ARHGEF4: variants seen among roughly 807,000 people sequenced by gnomAD.
ARHGEF4 encodes the protein Rho guanine nucleotide exchange factor 4, also known as APC-stimulated guanine nucleotide exchange factor 1.
ARHGEF4 carries 119 observed loss-of-function variants against 162.0 expected under a neutral mutation model. The observed-to-expected ratio is 0.73, with a 90% CI of 0.63 to 0.86. The LOEUF (loss-of-function observed/expected upper bound fraction) is 0.86. ARHGEF4 is among the 40% of genes least tolerant of loss of function. The pLI is 0.00. For synonymous variants in ARHGEF4, 1,014 were observed against 979.9 expected, an observed-to-expected ratio of 1.03 and a Z score of -0.65; for missense variants, 2,488 against 2,456.0, an observed-to-expected ratio of 1.01 and a Z score of -0.28.
At chr2:130,987,272 C>G (rs533827270) in intron 4 of ARHGEF4, among the ~76,000 whole-genome samples, 1 of 152,318 alleles carries the variant, frequency 6.6e-6, no homozygotes, top group East Asian at 1.9e-4. Context: ...CAGTGGTGGA[C>G]TTTGTTCAGC....
intron 3 of ARHGEF4, among the ~76,000 whole-genome samples, chr2:130,936,976 T>TGGCTCACCGCAACCAC: frequency 7.0e-6 from 1 of 143,884 alleles, no homozygotes; most frequent in South Asian, 2.2e-4. Flanking sequence ...GGTGCAATCT[T>TGGCTCACCGCAACCAC]GGCTCACCGC....
chr2:130,937,926 C>T (rs542113238), intron 3 of ARHGEF4, among the ~76,000 whole-genome samples: 2 of 152,146 alleles, frequency 1.3e-5, no homozygotes, highest in Non-Finnish European at 2.9e-5. Context: ...CTCGGCCTCC[C>T]AAAGTGCTGG....
intron 4 of ARHGEF4, among the ~76,000 whole-genome samples, chr2:130,986,294 C>T (rs1429415191): frequency 6.6e-6 from 1 of 152,106 alleles, no homozygotes; most frequent in Non-Finnish European, 1.5e-5. Flanking sequence ...CAGCCCAGGG[C>T]CCCAGGTTGC....
intron 4 of ARHGEF4, among the ~76,000 whole-genome samples, chr2:130,989,606 A>G (rs1686803689): frequency 6.6e-6 from 1 of 152,242 alleles, no homozygotes; most frequent in South Asian, 2.1e-4. Flanking sequence ...CTTCCCAGTT[A>G]GATCAATTTG....
At chr2:130,905,424 T>C (rs1282514201) in intron 1 of ARHGEF4, among the ~76,000 whole-genome samples, 1 of 151,864 alleles carries the variant, frequency 6.6e-6, no homozygotes, top group African/African-American at 2.4e-5. Flanking sequence ...TTTTAATGAC[T>C]CTTTATCATA....
At position 130,916,139 on chromosome 2, in the gene ARHGEF4, G is replaced by A; in HGVS notation, c.2193G>A (p.Glu731=). ...AASEETPSTE[E]PPGERLRGES... is the part of the protein sequence containing the mutation. ...CGGAAGAGACGCCGAGCACAGAGGAGCCCCCGGGAGAGAGACTGCGTGGGG... is the reference window on the plus strand; with the variant it reads ...CGGAAGAGACGCCGAGCACAGAGGAACCCCCGGGAGAGAGACTGCGTGGGG... The change falls in exon 2 of 14, where the codon GAG becomes GAA. Residue 731 remains glutamate (E), a synonymous_variant. Transcript: ENST00000409359. 1.3e-6 allele frequency: 2 copies of A among 1,549,324 alleles called. No homozygotes were observed. The highest frequency in any genetic ancestry group is 1.2e-5 in the South Asian group (1 of 84,022).
intron 3 of ARHGEF4, among the ~76,000 whole-genome samples, chr2:130,936,122 A>T (rs550713037): frequency 3.9e-4 from 59 of 152,142 alleles, no homozygotes; most frequent in African/African-American, 1.4e-3. Flanking sequence ...TCTTTTCTGG[A>T]GAATGTTCCA....
intron 3 of ARHGEF4, among the ~76,000 whole-genome samples, chr2:130,934,905 A>G (rs1682845752): frequency 6.6e-6 from 1 of 152,090 alleles, no homozygotes. Context: ...TCTCCATTTT[A>G]TCTACATTAT....
rs151090488 is a variant in ARHGEF4, at chr2:131,007,313, T to C, written c.3986-20632T>C. The stretch of plus-strand genomic sequence containing the variant: ...GAAAGTGGCCCAAATGCTGAATTTA[T>C]GTCCCTGTCCTCTCCTCTCCTCCAT... On this transcript the variant is annotated intron_variant, in intron 4 of 13. Coordinates refer to ENST00000409359, the MANE Select transcript of ARHGEF4 (RefSeq NM_001367493.1). 3.9e-5 allele frequency among the ~76,000 whole-genome samples: 6 copies of C among 152,332 alleles called. No homozygotes were observed. The East Asian group carries it at 1.2e-3, about 29-fold the overall frequency.
intron 4 of ARHGEF4, among the ~76,000 whole-genome samples, chr2:130,998,366 T>A (rs1687540399): frequency 6.6e-6 from 1 of 152,204 alleles, no homozygotes; most frequent in Admixed American, 6.5e-5. Flanking sequence ...GTTCACTTTG[T>A]GTGTTTATAT....
At chr2:131,027,040 C>T (rs563233045) in intron 4 of ARHGEF4, among the ~76,000 whole-genome samples, 1 of 152,164 alleles carries the variant, frequency 6.6e-6, no homozygotes, top group Admixed American at 6.5e-5. Flanking sequence ...TTAGTGGGGC[C>T]GTCATGAAAG....
At chr2:131,015,035 C>T (rs966338961) in intron 4 of ARHGEF4, among the ~76,000 whole-genome samples, 3 of 152,086 alleles carry the variant, frequency 2.0e-5, no homozygotes, top group African/African-American at 7.2e-5. Flanking sequence ...ATCTGTGCGG[C>T]GCACCTAATG....
intron 4 of ARHGEF4, among the ~76,000 whole-genome samples, chr2:131,021,918 A>G (rs1689160649): frequency 6.6e-6 from 1 of 152,104 alleles, no homozygotes; most frequent in Non-Finnish European, 1.5e-5. Flanking sequence ...ATAATCATGT[A>G]TTTTTCCTTC....
chr2:130,950,848 T>C (rs1683918823), intron 4 of ARHGEF4, among the ~76,000 whole-genome samples: 1 of 152,198 alleles, frequency 6.6e-6, no homozygotes. Flanking sequence ...TCACATGTAC[T>C]TCAGTACTTC....
chr2:130,965,263 G>T (rs1249628434), intron 4 of ARHGEF4, among the ~76,000 whole-genome samples: 1 of 152,226 alleles, frequency 6.6e-6, no homozygotes, highest in Non-Finnish European at 1.5e-5. Flanking sequence ...GTCGGCTCTG[G>T]CTGGGTTGAG....
At chr2:130,976,359 G>GTT (rs1685715607) in intron 4 of ARHGEF4, among the ~76,000 whole-genome samples, 1 of 151,664 alleles carries the variant, frequency 6.6e-6, no homozygotes, top group Non-Finnish European at 1.5e-5. Flanking sequence ...CTGTGTGTGT[G>GTT]TGTGTGTGTG....
intron 4 of ARHGEF4, among the ~76,000 whole-genome samples, chr2:131,018,360 A>G (rs1197522971): frequency 6.6e-6 from 1 of 151,962 alleles, no homozygotes; most frequent in Non-Finnish European, 1.5e-5. Flanking sequence ...TTTATATGCT[A>G]TTGACCATTC....
intron 1 of ARHGEF4, among the ~76,000 whole-genome samples, chr2:130,869,393 C>A (rs562100330): frequency 6.6e-6 from 1 of 152,122 alleles, no homozygotes; most frequent in Admixed American, 6.5e-5. Context: ...CGCAGGGCTC[C>A]GGGTCTCTGC....
chr2:130,914,279 T>A lies in ARHGEF4; in HGVS notation c.333T>A (p.Thr111=). 6.6e-7 allele frequency: 1 copy of A among 1,526,492 alleles called. No homozygotes were observed. Among genetic ancestry groups the A allele is most frequent in the Non-Finnish European group, 8.8e-7 (1 of 1,140,828 alleles). The allele number at this position is 1,526,492 out of a possible 1,614,324, so 94.6% of individuals were successfully genotyped here. ...GGGAATACCCTGATGTCTCAGCAAC[T>A]GGACCCCCTCAGGAGCAGCATTTGA... is the stretch of plus-strand genomic sequence containing the variant. ...APWEYPDVSA[T]GPPQEQHLTS... The change falls in exon 2 of 14, where the codon ACT becomes ACA. Residue 111 remains threonine, a synonymous_variant. Coordinates refer to ENST00000409359, the MANE Select transcript of ARHGEF4 (RefSeq NM_001367493.1).
Sources: gnomAD v4.1 joint callset for allele counts (sites outside exome capture counted in the v4.1 genomes callset) on GRCh38, gnomAD v4.1.1 for gene constraint, MANE v1.5 for transcripts, NCBI Gene and HGNC (gene_info 2026-07-23, HGNC 2026-07-21) for gene names.